Variants in WASL observed in about 807,000 individuals in gnomAD.
WASL encodes the protein WASP like actin nucleation promoting factor, also known as actin nucleation-promoting factor WASL.
In WASL, 20 loss-of-function variants were observed where a neutral mutation model predicts 55.5. That is an observed-to-expected ratio of 0.36 (90% CI 0.25 to 0.52). The LOEUF (loss-of-function observed/expected upper bound fraction) is 0.52, where lower values mean the gene tolerates loss of function less well. WASL is among the 20% of genes least tolerant of loss of function. The pLI is 0.92. For synonymous variants in WASL, 249 were observed against 217.6 expected (o/e 1.14, Z -1.27); for missense variants, 504 against 622.5 (o/e 0.81, Z 2.03).
rs1402293674 is a variant in WASL at position 123,683,809 on chromosome 7, C to G, written c.*710G>C. 1 of 151,952 alleles carries G rather than the reference C, an allele frequency of 6.6e-6. No individual in the cohort carries two copies. The highest frequency in any genetic ancestry group is 1.9e-4 in the East Asian group (1 of 5,200). 9.4% of individuals were successfully genotyped at this position (151,952 alleles called of 1,614,324 possible). A position where few individuals can be genotyped will look rare whatever the true frequency, so the allele number is the denominator to read the frequency against. ...TGCTAAAAAGAGCCTGTCACATTTG[C>G]TACAGCATAAAAATAACCCCAGTCA... On this transcript the variant is annotated 3_prime_UTR_variant, in exon 11 of 11. Coordinates refer to ENST00000223023, the MANE Select transcript of WASL (RefSeq NM_003941.4).
chr7:123,742,365 T>C (rs1006191390), intron 1 of WASL, among the ~76,000 whole-genome samples: 4 of 152,168 alleles, frequency 2.6e-5, no homozygotes, highest in Admixed American at 6.5e-5. Flanking sequence ...GTCCAGTGCA[T>C]TACAAAAAAA....
At position 123,730,410 on chromosome 7, in the gene WASL, G is replaced by A. The variant is rs187356983; in HGVS notation, c.117+18208C>T. 9.3e-4 allele frequency among the ~76,000 whole-genome samples: 141 copies of A among 152,212 alleles called. 2 individuals carry two copies. The highest frequency in any genetic ancestry group is 1.9e-3 in the South Asian group (9 of 4,822). ...GATAAATAAAATTAATGACAGTGGGGAGGGATGGGAGGAAGAAAATGGGAA... is the reference window on the plus strand; with the variant it reads ...GATAAATAAAATTAATGACAGTGGGAAGGGATGGGAGGAAGAAAATGGGAA... On this transcript the variant is annotated intron_variant, in intron 1 of 10. Coordinates refer to ENST00000223023, the MANE Select transcript of WASL (RefSeq NM_003941.4).
chr7:123,700,175 C>CAAAAAA (rs1168168286), intron 5 of WASL, among the ~76,000 whole-genome samples: 9 of 47,352 alleles, frequency 1.9e-4, no homozygotes, highest in African/African-American at 3.8e-4. Context: ...AACTCCGTCT[C>CAAAAAA]AAAAAAAAAA....
intron 7 of WASL, 60 bp from the exon 8 acceptor site, chr7:123,694,928 T>G: frequency 6.5e-7 from 1 of 1,535,282 alleles, no homozygotes. Flanking sequence ...AACATAATTT[T>G]AAGTCTCATC....
chr7:123,744,596 G>A (rs970317949), intron 1 of WASL, among the ~76,000 whole-genome samples: 3 of 152,062 alleles, frequency 2.0e-5, no homozygotes, highest in African/African-American at 7.2e-5. Context: ...AACAAACCAG[G>A]TGAGTATGGC....
chr7:123,714,668 G>A (rs1251584057), intron 1 of WASL, among the ~76,000 whole-genome samples: 1 of 152,104 alleles, frequency 6.6e-6, no homozygotes, highest in Admixed American at 6.6e-5. Context: ...GATAACTGGG[G>A]GTGAGGACAA....
chr7:123,721,587 C>A (rs1395314277), intron 1 of WASL, among the ~76,000 whole-genome samples: 2 of 152,144 alleles, frequency 1.3e-5, no homozygotes, highest in African/African-American at 4.8e-5. Flanking sequence ...AATCCAAGAA[C>A]CTTTCTCAAG....
chr7:123,732,668 G>A (rs1328849932), intron 1 of WASL, among the ~76,000 whole-genome samples: 10 of 152,102 alleles, frequency 6.6e-5, no homozygotes, highest in Non-Finnish European at 1.2e-4. Flanking sequence ...GAAGCAGAAG[G>A]ACTACTTCGT....
chr7:123,708,998 T>A (rs987497156), intron 2 of WASL, 91 bp downstream of exon 2: 9 of 1,192,668 alleles, frequency 7.5e-6, no homozygotes, highest in East Asian at 2.9e-5. Flanking sequence ...AATTTAAATA[T>A]CACATATAGG....
At chr7:123,693,018 AGAT>A in intron 8 of WASL, 151 bp from the exon 9 acceptor site, 1 of 1,094,432 alleles carries the variant, frequency 9.1e-7, no homozygotes, top group South Asian at 4.0e-5. Context: ...ACCTGAGCAC[AGAT>A]GATATCTCAC....
At position 123,684,049 on chromosome 7, in the gene WASL, T is replaced by C. The variant is rs909449135; in HGVS notation, c.*470A>G. 6.6e-6 allele frequency: 1 copy of C among 152,092 alleles called. No homozygotes were observed. Among genetic ancestry groups the C allele is most frequent in the Admixed American group, 6.6e-5 (1 of 15,236 alleles). The allele number at this position is 152,092 out of a possible 1,614,324, so 9.4% of individuals were successfully genotyped here. ...CAATGTATCAGCTTCAACATTCATA[T>C]GTAGCATTGTATTCAAAATAAAGGG... On this transcript the variant is annotated 3_prime_UTR_variant, in exon 11 of 11. Transcript: ENST00000223023.
intron 10 of WASL, among the ~76,000 whole-genome samples, chr7:123,685,707 T>C (rs536941249): frequency 6.6e-6 from 1 of 151,842 alleles, no homozygotes; most frequent in East Asian, 1.9e-4. Flanking sequence ...ACACCAGCCA[T>C]TCAATAAATA....
chr7:123,705,808 T>A (rs1803659834), intron 4 of WASL, among the ~76,000 whole-genome samples: 1 of 152,198 alleles, frequency 6.6e-6, no homozygotes, highest in Non-Finnish European at 1.5e-5. Context: ...AGGCAATGTT[T>A]ACAGATCTTG....
chr7:123,735,499 A>C (rs1804212380), intron 1 of WASL, among the ~76,000 whole-genome samples: 1 of 152,062 alleles, frequency 6.6e-6, no homozygotes, highest in Non-Finnish European at 1.5e-5. Context: ...ATATATTTTA[A>C]AATGTAGCTA....
At chr7:123,744,497 G>A (rs966957943) in intron 1 of WASL, among the ~76,000 whole-genome samples, 1 of 152,008 alleles carries the variant, frequency 6.6e-6, no homozygotes, top group African/African-American at 2.4e-5. Context: ...AAGAAAATAA[G>A]CAAGTTAAAA....
chr7:123,709,276 C>A, intron 1 of WASL, 53 bp from the exon 2 acceptor site: 1 of 1,491,104 alleles, frequency 6.7e-7, no homozygotes, highest in South Asian at 1.4e-5. Flanking sequence ...TGTAGATGAT[C>A]ATAGCCCCTG....
intron 1 of WASL, among the ~76,000 whole-genome samples, chr7:123,747,527 A>C (rs1036576451): frequency 1.1e-4 from 16 of 152,236 alleles, no homozygotes; most frequent in Non-Finnish European, 8.8e-5. Flanking sequence ...CTTCTTAAAG[A>C]AGCAGGTGAA....
At chr7:123,686,472 C>T (rs967733538) in intron 10 of WASL, among the ~76,000 whole-genome samples, 10 of 151,946 alleles carry the variant, frequency 6.6e-5, no homozygotes, top group Non-Finnish European at 7.4e-5. Flanking sequence ...ATAATTTCAT[C>T]ATCAGGTACT....
intron 8 of WASL, among the ~76,000 whole-genome samples, chr7:123,693,756 A>T (rs1167925584): frequency 6.6e-6 from 1 of 152,220 alleles, no homozygotes; most frequent in Non-Finnish European, 1.5e-5. Context: ...ACTTGAGGCC[A>T]AGAGTTTGAG....
Sources: allele counts gnomAD v4.1 joint callset (sites outside exome capture counted in the v4.1 genomes callset), GRCh38; gene constraint gnomAD v4.1.1; transcripts MANE v1.5; gene names NCBI Gene and HGNC (gene_info 2026-07-23, HGNC 2026-07-21).